HEATR5A: variants seen among roughly 807,000 people sequenced by gnomAD.
The protein encoded by HEATR5A is HEAT repeat-containing protein 5A.
Under a neutral mutation model 218.8 loss-of-function variants are expected in HEATR5A, and 178 were observed. The ratio of observed to expected loss-of-function variants is 0.81; its 90% CI spans 0.72 to 0.92. HEATR5A has a LOEUF of 0.92. HEATR5A is among the 40% of genes least tolerant of loss of function. The pLI is 0.00. For missense variants in HEATR5A, 2,420 were observed against 2,418.9 expected, an observed-to-expected ratio of 1.00 and a Z score of -0.01; for synonymous variants, 864 against 871.6, an observed-to-expected ratio of 0.99 and a Z score of 0.15.
intron 10 of HEATR5A, among the ~76,000 whole-genome samples, chr14:31,382,565 T>A (rs7160846): frequency 0.99 from 150,813 of 152,156 alleles, 74,750 homozygotes; most frequent in Middle Eastern, 1. Flanking sequence ...TTCAAACACC[T>A]TGCTTGCCTA....
At chr14:31,394,030 GA>G in intron 6 of HEATR5A, 21 bp downstream of exon 6, 1 of 1,435,834 alleles carries the variant, frequency 7.0e-7, no homozygotes, top group Non-Finnish European at 9.3e-7. Flanking sequence ...AAGAGACTTT[GA>G]AAATAATTAC....
chr14:31,387,058 C>A, intron 8 of HEATR5A, 62 bp downstream of exon 8: 3 of 1,550,322 alleles, frequency 1.9e-6, no homozygotes, highest in South Asian at 1.1e-5. Context: ...ATCAGTCTAG[C>A]TTTCCCAAAG....
At chr14:31,313,387 T>C (rs905735448) in intron 27 of HEATR5A, among the ~76,000 whole-genome samples, 197 bp from the exon 28 acceptor site, 4 of 152,144 alleles carry the variant, frequency 2.6e-5, no homozygotes, top group Non-Finnish European at 4.4e-5. Flanking sequence ...CTATCTTCAA[T>C]GAGATGCATT....
rs746343374 is a variant in HEATR5A at position 31,394,120 on chromosome 14, C to T, written c.704G>A (p.Arg235Gln). Reference sequence around the variant, plus strand: ...GCCTAGTAACTTTGAAACAGAAATCCGCACATCATAATTGGAACCTTCAAA... The same window carrying T: ...GCCTAGTAACTTTGAAACAGAAATCTGCACATCATAATTGGAACCTTCAAA... ...KSFEGSNYDV[R>Q]ISVSKLLGII... Residue 235 changes from arginine (R) to glutamine (Q), a missense_variant, in exon 6 of 36, where the codon CGG (arginine) becomes CAG (glutamine). Arg to Gln is a conservative substitution (Grantham distance 43). Coordinates refer to ENST00000543095, the MANE Select transcript of HEATR5A (RefSeq NM_015473.4). The T allele has an allele frequency of 2.1e-4, 322 of 1,535,076 alleles. No individual in the cohort carries two copies. Among genetic ancestry groups the T allele is most frequent in the Admixed American group, 5.5e-4 (28 of 50,894 alleles).
intron 11 of HEATR5A, 141 bp from the exon 12 acceptor site, chr14:31,375,109 C>A: frequency 1.5e-6 from 1 of 688,806 alleles, no homozygotes; most frequent in Non-Finnish European, 2.4e-6. Context: ...CTTCAGGTTC[C>A]AAATTATTAC....
At chr14:31,344,379 G>C (rs1379589513) in intron 20 of HEATR5A, among the ~76,000 whole-genome samples, 3 of 145,986 alleles carry the variant, frequency 2.1e-5, no homozygotes, top group African/African-American at 5.0e-5. Flanking sequence ...CCGGGTTCAA[G>C]TGATTCTCCT....
intron 13 of HEATR5A, among the ~76,000 whole-genome samples, chr14:31,368,685 A>G (rs186434832): frequency 7.4e-5 from 11 of 149,488 alleles, no homozygotes; most frequent in African/African-American, 2.0e-4. Context: ...GAGCATCAGT[A>G]CATCTGACTC....
chr14:31,385,146 A>G (rs1329282329), intron 9 of HEATR5A, among the ~76,000 whole-genome samples: 1 of 151,912 alleles, frequency 6.6e-6, no homozygotes, highest in African/African-American at 2.4e-5. Context: ...TATTTTTTGA[A>G]ACAGGGTCTC....
At chr14:31,358,239 A>G (rs1453440149) in intron 16 of HEATR5A, among the ~76,000 whole-genome samples, 2 of 152,232 alleles carry the variant, frequency 1.3e-5, no homozygotes, top group Non-Finnish European at 2.9e-5. Context: ...AAAACCATTT[A>G]AAATCCCTCC....
chr14:31,357,963 C>T (rs772718651), intron 16 of HEATR5A, among the ~76,000 whole-genome samples: 16 of 152,102 alleles, frequency 1.1e-4, no homozygotes, highest in African/African-American at 2.4e-4. Context: ...GGCGGGCAAG[C>T]GAGCATTATC....
chr14:31,392,139 G>C (rs540956388), intron 6 of HEATR5A, among the ~76,000 whole-genome samples: 34 of 152,310 alleles, frequency 2.2e-4, no homozygotes, highest in Admixed American at 5.2e-4. Context: ...AGAGAACTAT[G>C]TAAGTGATGT....
intron 16 of HEATR5A, among the ~76,000 whole-genome samples, chr14:31,351,668 T>C (rs1456272257): frequency 1.3e-5 from 2 of 152,132 alleles, no homozygotes; most frequent in African/African-American, 4.8e-5. Flanking sequence ...TGGTTAGCTA[T>C]AGATGCCATC....
chr14:31,402,858 T>C lies in HEATR5A; in HGVS notation c.118A>G (p.Thr40Ala), dbSNP rs200514372. Residue 40 changes from threonine to alanine, a missense_variant, in exon 2 of 36, where the codon ACC becomes GCC. Coordinates refer to ENST00000543095, the MANE Select transcript of HEATR5A (RefSeq NM_015473.4). ...LRYLEKLLLA[T>A]SRNDVREKQK... ...GTTGTCATTTTACCCACCCTGCTGG[T>C]TGCCAACAAGAGCTTCTCCAAGTAT... The C allele has an allele frequency of 5.5e-5, 85 of 1,536,578 alleles. No homozygotes were observed. The South Asian group carries it at 8.9e-4, about 16-fold the overall frequency.
chr14:31,368,689 C>G (rs1302274491), intron 13 of HEATR5A, among the ~76,000 whole-genome samples: 1 of 143,946 alleles, frequency 6.9e-6, no homozygotes, highest in Non-Finnish European at 1.5e-5. Context: ...ATCAGTACAT[C>G]TGACTCTATT....
At chr14:31,417,185 T>G (rs1171624419) in intron 1 of HEATR5A, among the ~76,000 whole-genome samples, 6 of 151,768 alleles carry the variant, frequency 4.0e-5, no homozygotes. Context: ...ACGAAAAAAA[T>G]TTCCCATACC....
At chr14:31,368,290 C>T (rs1901879528) in intron 13 of HEATR5A, among the ~76,000 whole-genome samples, 1 of 152,058 alleles carries the variant, frequency 6.6e-6, no homozygotes, top group Non-Finnish European at 1.5e-5. Context: ...CATCAGACAC[C>T]CAATCTGCTG....
At chr14:31,417,464 AATCCC>A (rs2139333695) in intron 1 of HEATR5A, among the ~76,000 whole-genome samples, 1 of 152,340 alleles carries the variant, frequency 6.6e-6, no homozygotes, top group Non-Finnish European at 1.5e-5. Flanking sequence ...TAGCACCTGT[AATCCC>A]AGCTACTCGG....
chr14:31,312,514 G>A (rs1328141239), intron 28 of HEATR5A, among the ~76,000 whole-genome samples: 1 of 151,488 alleles, frequency 6.6e-6, no homozygotes, highest in Admixed American at 6.6e-5. Context: ...CCGGGTTCAA[G>A]CAATCCTCCT....
chr14:31,409,070 T>C (rs1566785963), intron 1 of HEATR5A, among the ~76,000 whole-genome samples: 1 of 74,224 alleles, frequency 1.3e-5, no homozygotes, highest in African/African-American at 4.2e-5. Context: ...AAAAAAAAGA[T>C]GGAGTCTTAC....
Sources: allele counts gnomAD v4.1 joint callset (sites outside exome capture counted in the v4.1 genomes callset), GRCh38; gene constraint gnomAD v4.1.1; transcripts MANE v1.5; gene names NCBI Gene and HGNC (gene_info 2026-07-23, HGNC 2026-07-21).